Variants in SULT2B1 observed in about 807,000 individuals in gnomAD.
SULT2B1 encodes sulfotransferase 2B1.
SULT2B1 carries 16 observed loss-of-function variants against 33.2 expected under a neutral mutation model. The ratio of observed to expected loss-of-function variants is 0.48; its 90% confidence interval spans 0.33 to 0.73. The LOEUF (loss-of-function observed/expected upper bound fraction) is 0.73, where lower values mean the gene tolerates loss of function less well. Ranked by LOEUF, SULT2B1 falls within the 30% of genes least tolerant of loss-of-function variation. The probability of loss-of-function intolerance (pLI) is 0.02; values close to 1 mark genes in which losing one functional copy is unlikely to be tolerated. For synonymous variants in SULT2B1, 186 were observed against 200.5 expected (o/e 0.93, Z 0.61); for missense variants, 500 against 506.0 (o/e 0.99, Z 0.11).
chr19:48,557,641 G>A (rs956958793), intron 1 of SULT2B1, among the ~76,000 whole-genome samples: 2 of 152,162 alleles, frequency 1.3e-5, no homozygotes, highest in Admixed American at 1.3e-4. Context: ...AAGAGGCCGG[G>A]CACGGTGGCT....
At chr19:48,574,291 C>T (rs963532514) in intron 1 of SULT2B1, among the ~76,000 whole-genome samples, 1 of 152,216 alleles carries the variant, frequency 6.6e-6, no homozygotes, top group Non-Finnish European at 1.5e-5. Context: ...TTCCTTCCTA[C>T]ACTCATTCAA....
chr19:48,578,138 G>T (rs7258739), intron 2 of SULT2B1, among the ~76,000 whole-genome samples: 28,201 of 151,524 alleles, frequency 0.19, 2,791 homozygotes, highest in East Asian at 0.41. Context: ...ACTTTAGCTA[G>T]AGAGGTCGAG....
At position 48,593,610 on chromosome 19, in the gene SULT2B1, ATTTATT is replaced by A. The variant is rs577314066; in HGVS notation, c.645+802_645+807del. Among the ~76,000 whole-genome samples, 322 of 151,950 alleles carry A rather than the reference ATTTATT, an allele frequency of 2.1e-3. 2 individuals carry two copies. Among genetic ancestry groups the A allele is most frequent in the African/African-American group, 7.3e-3 (301 of 41,488 alleles). On this transcript the variant is annotated intron_variant, in intron 5 of 6. Coordinates refer to ENST00000201586, the MANE Select transcript of SULT2B1 (RefSeq NM_177973.2). ...AAATGCCTGCATTCAACCAGTTTTTATTTATTTTTATTTATTTTATTTAATTAATTT... is the reference window on the plus strand; with the variant it reads ...AAATGCCTGCATTCAACCAGTTTTTATTTATTTATTTTATTTAATTAATTT...
intron 6 of SULT2B1, among the ~76,000 whole-genome samples, chr19:48,598,224 C>T (rs749873348): frequency 6.6e-6 from 1 of 152,184 alleles, no homozygotes; most frequent in Non-Finnish European, 1.5e-5. Flanking sequence ...AGGCAAACTA[C>T]GGTCCTCTGA....
chr19:48,592,702 A>G lies in SULT2B1; in HGVS notation c.551-20A>G, dbSNP rs775812354. 46 of 1,572,332 alleles carry G rather than the reference A, an allele frequency of 2.9e-5. No individual in the cohort carries two copies. The South Asian group carries it at 5.1e-4, about 18-fold the overall frequency. ...AACCCCGCCACTCAGCCCTCACCCC[A>G]CTTGTCCCTCTGCCCACAGTGCAGT... On this transcript the variant is annotated intron_variant, in intron 4 of 6. Transcript: ENST00000201586.
intron 1 of SULT2B1, among the ~76,000 whole-genome samples, chr19:48,567,135 G>A (rs2665601): frequency 0.13 from 19,628 of 152,046 alleles, 1,364 homozygotes; most frequent in African/African-American, 0.16. Context: ...CCCGTCCCCT[G>A]TTGTTTCTGG....
intron 2 of SULT2B1, among the ~76,000 whole-genome samples, chr19:48,580,630 G>C (rs1195503694): frequency 6.6e-6 from 1 of 151,664 alleles, no homozygotes; most frequent in Non-Finnish European, 1.5e-5. Flanking sequence ...CTTCTCCAGT[G>C]ATTAGCATCA....
intron 2 of SULT2B1, among the ~76,000 whole-genome samples, chr19:48,583,774 C>T (rs914705304): frequency 3.3e-5 from 5 of 151,596 alleles, no homozygotes; most frequent in African/African-American, 7.3e-5. Flanking sequence ...GTGGAGATTG[C>T]GCCACTGCAC....
Position 48,576,056 on chromosome 19 carries a change from A to G in SULT2B1, c.187A>G (p.Ile63Val). ...ENTQDVRDDD[I>V]FIITYPKSGT... ...CACCCAAGATGTGCGGGACGACGAC[A>G]TCTTTATCATCACCTACCCCAAGTC... Residue 63 changes from isoleucine (I) to valine (V), a missense_variant, in exon 2 of 7, where the codon ATC becomes GTC. Ile to Val is a conservative substitution (Grantham distance 29). Transcript: ENST00000201586. The G allele has an allele frequency of 6.2e-7, 1 of 1,612,850 alleles. No individual in the cohort carries two copies. The highest frequency in any genetic ancestry group is 8.5e-7 in the Non-Finnish European group (1 of 1,179,580).
At chr19:48,585,273 C>G (rs1349515726) in intron 2 of SULT2B1, among the ~76,000 whole-genome samples, 1 of 152,118 alleles carries the variant, frequency 6.6e-6, no homozygotes, top group Non-Finnish European at 1.5e-5. Context: ...TGTTTCTCTT[C>G]TGAACAGCCT....
At chr19:48,566,118 G>A (rs1973240652) in intron 1 of SULT2B1, among the ~76,000 whole-genome samples, 1 of 151,992 alleles carries the variant, frequency 6.6e-6, no homozygotes, top group Admixed American at 6.6e-5. Flanking sequence ...CACTCTGTTG[G>A]CCAGGCTGGT....
At chr19:48,564,574 A>AG (rs2147601690) in intron 1 of SULT2B1, among the ~76,000 whole-genome samples, 1 of 150,140 alleles carries the variant, frequency 6.7e-6, no homozygotes, top group East Asian at 1.9e-4. Flanking sequence ...AAAAAAAAAA[A>AG]AGAAAGAAAA....
At chr19:48,585,997 G>A (rs1199942815) in intron 2 of SULT2B1, among the ~76,000 whole-genome samples, 1 of 151,802 alleles carries the variant, frequency 6.6e-6, no homozygotes, top group Non-Finnish European at 1.5e-5. Context: ...CAGGAGGATT[G>A]CTTGAGCCCA....
In SULT2B1 at chr19:48,578,463, T is replaced by C. The variant is rs1472796031; in HGVS notation, c.214+2380T>C. ...CAGGCACGATAGTGTATGCCTGTAGTTCCAGCTACTTGGGAGGCTGAGATG... is the reference window on the plus strand; with the variant it reads ...CAGGCACGATAGTGTATGCCTGTAGCTCCAGCTACTTGGGAGGCTGAGATG... On this transcript the variant is annotated intron_variant, in intron 2 of 6. Transcript: ENST00000201586. 2.6e-5 allele frequency among the ~76,000 whole-genome samples: 4 copies of C among 152,064 alleles called. No homozygotes were observed. In the East Asian group the frequency reaches 7.7e-4, roughly 29 times the overall value.
chr19:48,566,767 G>A (rs911759961), intron 1 of SULT2B1, among the ~76,000 whole-genome samples: 9 of 151,936 alleles, frequency 5.9e-5, no homozygotes, highest in African/African-American at 1.2e-4. Context: ...ACTTGAACCC[G>A]GGAGGCAGAG....
At chr19:48,568,833 G>A (rs1046749589) in intron 1 of SULT2B1, among the ~76,000 whole-genome samples, 1 of 152,002 alleles carries the variant, frequency 6.6e-6, no homozygotes, top group Non-Finnish European at 1.5e-5. Flanking sequence ...GGCCGCTCAG[G>A]GCCCCCCAGC....
At chr19:48,566,951 C>T (rs1456133123) in intron 1 of SULT2B1, among the ~76,000 whole-genome samples, 5 of 151,812 alleles carry the variant, frequency 3.3e-5, no homozygotes, top group South Asian at 4.2e-4. Context: ...TGCAGTGAGC[C>T]GTGATTGTGT....
At chr19:48,587,154 G>A (rs754407530) in intron 2 of SULT2B1, 75 bp from the exon 3 acceptor site, 36 of 1,104,900 alleles carry the variant, frequency 3.3e-5, no homozygotes, top group Non-Finnish European at 4.6e-5. Context: ...AATAAGTGCT[G>A]TTGTGATTAT....
At chr19:48,558,679 C>CT (rs869189397) in intron 1 of SULT2B1, among the ~76,000 whole-genome samples, 4,127 of 106,062 alleles carry the variant, frequency 0.039, 166 homozygotes, top group Admixed American at 0.082. Context: ...CTTTTCTTTT[C>CT]TTTTTTTTTT....
Sources: allele counts gnomAD v4.1 joint callset (sites outside exome capture counted in the v4.1 genomes callset), GRCh38; gene constraint gnomAD v4.1.1; transcripts MANE v1.5; gene names NCBI Gene and HGNC (gene_info 2026-07-23, HGNC 2026-07-21).